The following MYLK4 variants were observed in gnomAD, a reference collection of about 807,000 sequenced individuals.
MYLK4 encodes myosin light chain kinase family member 4.
In MYLK4, 46 loss-of-function variants were observed where a neutral mutation model predicts 48.1. That is an observed-to-expected ratio of 0.96 (90% CI 0.75 to 1.22). MYLK4 has a LOEUF of 1.22. Among genes scored for constraint, MYLK4 ranks in the 50% most tolerant of loss-of-function variants. MYLK4 has a pLI of 0.00. For synonymous variants in MYLK4, 170 were observed against 180.8 expected (o/e 0.94, Z 0.48); for missense variants, 451 against 486.1 (o/e 0.93, Z 0.68).
At chr6:2,737,682 G>A (rs1472619047) in intron 2 of MYLK4, among the ~76,000 whole-genome samples, 1 of 152,096 alleles carries the variant, frequency 6.6e-6, no homozygotes, top group African/African-American at 2.4e-5. Context: ...AGGATCCCAG[G>A]CCAGTGCCTG....
intron 2 of MYLK4, among the ~76,000 whole-genome samples, chr6:2,727,567 C>A (rs1449160434): frequency 6.6e-6 from 1 of 152,178 alleles, no homozygotes; most frequent in African/African-American, 2.4e-5. Context: ...GAGGTTGCAT[C>A]TGGACAGAAG....
intron 12 of MYLK4, among the ~76,000 whole-genome samples, chr6:2,668,767 A>T (rs548089551): frequency 2.0e-5 from 3 of 152,030 alleles, no homozygotes; most frequent in East Asian, 3.9e-4. Flanking sequence ...TTATTTATTT[A>T]TTTTTTTAAG....
the MYLK4 span, chr6:2,765,791 G>T: frequency 1.7e-5 from 24 of 1,416,920 alleles, no homozygotes; most frequent in Non-Finnish European, 2.0e-5. Context: ...GTCGCACCGC[G>T]CCGGGGAGCG....
intron 12 of MYLK4, among the ~76,000 whole-genome samples, chr6:2,670,395 C>CAAACAAT (rs1760839467): frequency 1.9e-5 from 2 of 103,392 alleles, no homozygotes; most frequent in African/African-American, 7.8e-5. Flanking sequence ...AAACAAACAA[C>CAAACAAT]AGTGAGCAGC....
rs138132269 is a variant in MYLK4, at chr6:2,683,387, CTT to C, written c.546-227_546-226del. 3.4e-3 allele frequency among the ~76,000 whole-genome samples: 290 copies of C among 86,292 alleles called. 4 individuals carry two copies. Among genetic ancestry groups the C allele is most frequent in the African/African-American group, 8.9e-3 (238 of 26,716 alleles). 56.6% of individuals were successfully genotyped at this position (86,292 alleles called of 152,430 possible). On this transcript the variant is annotated intron_variant, in intron 6 of 12. Coordinates refer to ENST00000274643, the MANE Select transcript of MYLK4 (RefSeq NM_001012418.5). ...GGAAATCCTCAAGCCAACTCCCCACCTTTTTGTGTGTGTGTGTGTGTGTGTGT... is the reference window on the plus strand; with the variant it reads ...GGAAATCCTCAAGCCAACTCCCCACCTTTGTGTGTGTGTGTGTGTGTGTGT...
chr6:2,712,416 C>A (rs1413913223), intron 2 of MYLK4, among the ~76,000 whole-genome samples: 2 of 152,126 alleles, frequency 1.3e-5, no homozygotes, highest in Non-Finnish European at 1.5e-5. Flanking sequence ...CCTTTAAACT[C>A]AAGTAGAGAG....
chr6:2,701,986 A>G (rs1347275290), intron 2 of MYLK4, among the ~76,000 whole-genome samples: 1 of 152,244 alleles, frequency 6.6e-6, no homozygotes, highest in Admixed American at 6.5e-5. Flanking sequence ...CTAATCTCGT[A>G]CTTGGGTAAA....
At chr6:2,707,685 A>T (rs1762540483) in intron 2 of MYLK4, among the ~76,000 whole-genome samples, 1 of 152,210 alleles carries the variant, frequency 6.6e-6, no homozygotes, top group African/African-American at 2.4e-5. Flanking sequence ...TTTCTCCACT[A>T]AAAGTTGTGA....
chr6:2,692,827 C>T lies in MYLK4; in HGVS notation c.192G>A (p.Thr64=), dbSNP rs149418929. The change falls in exon 3 of 13, where the codon ACG becomes ACA. Residue 64 remains threonine, a synonymous_variant. Coordinates refer to ENST00000274643, the MANE Select transcript of MYLK4 (RefSeq NM_001012418.5). ...TTTTGCTTTTGACGGGCATCCTTTC[C>T]GTCAGGTCGGCGTTTGACCACACCT... is the stretch of plus-strand genomic sequence containing the variant. ...AKEVWSNADL[T]ERMPVKSKRT... 2.3e-3 allele frequency: 3,779 copies of T among 1,613,696 alleles called. 11 individuals are homozygous for T. Among genetic ancestry groups the T allele is most frequent in the Non-Finnish European group, 2.9e-3 (3,382 of 1,179,858 alleles).
At chr6:2,768,166 T>C in the MYLK4 span, among the ~76,000 whole-genome samples, 1 of 152,212 alleles carries the variant, frequency 6.6e-6, no homozygotes, top group Non-Finnish European at 1.5e-5. Context: ...CATGCAGAAG[T>C]GGCCTACAGT....
chr6:2,723,425 G>A (rs1582096962), intron 2 of MYLK4, among the ~76,000 whole-genome samples: 4 of 152,312 alleles, frequency 2.6e-5, no homozygotes, highest in African/African-American at 9.6e-5. Flanking sequence ...GCTCTAATTT[G>A]AAACAAATTT....
the MYLK4 span, chr6:2,770,157 C>T: frequency 6.2e-7 from 1 of 1,614,230 alleles, no homozygotes; most frequent in South Asian, 1.1e-5. Flanking sequence ...GGGACGATCA[C>T]TCTGATTGGG....
chr6:2,708,323 C>T (rs775215688), intron 2 of MYLK4, among the ~76,000 whole-genome samples: 2 of 152,120 alleles, frequency 1.3e-5, no homozygotes, highest in African/African-American at 2.4e-5. Flanking sequence ...CATTTTGTTA[C>T]ATTCTCCTCT....
chr6:2,700,218 C>A (rs1762235699), intron 2 of MYLK4, among the ~76,000 whole-genome samples: 1 of 152,150 alleles, frequency 6.6e-6, no homozygotes, highest in Admixed American at 6.5e-5. Context: ...CCCACCACCC[C>A]ACCTGTTTTT....
At chr6:2,702,062 G>A (rs187993018) in intron 2 of MYLK4, among the ~76,000 whole-genome samples, 217 of 152,320 alleles carry the variant, frequency 1.4e-3, no homozygotes, top group Middle Eastern at 0.014. Context: ...GCCGCATGCC[G>A]CTGGCCTTGC....
the MYLK4 span, among the ~76,000 whole-genome samples, chr6:2,756,646 G>A: frequency 0.66 from 99,690 of 152,062 alleles, 33,148 homozygotes; most frequent in Non-Finnish European, 0.71. Flanking sequence ...GATTATTTCC[G>A]CCCTTTCCCT....
chr6:2,744,320 A>G (rs17135661), intron 2 of MYLK4, among the ~76,000 whole-genome samples: 40,173 of 152,122 alleles, frequency 0.26, 5,386 homozygotes, highest in Middle Eastern at 0.29. Context: ...GACGCTGTGA[A>G]TGCGTATTTG....
At position 2,667,885 on chromosome 6, in the gene MYLK4, A is replaced by G. The variant is rs1235646237; in HGVS notation, c.*40T>C. 5.2e-5 allele frequency: 8 copies of G among 152,788 alleles called. No homozygotes were observed. The South Asian group carries it at 1.4e-3, about 28-fold the overall frequency. The allele number at this position is 152,788 out of a possible 1,614,324, so 9.5% of individuals were successfully genotyped here. The stretch of plus-strand genomic sequence containing the variant: ...AAAAAATTTTCTCGAAGCAGCAGCA[A>G]CCACAGCAGTTTTCCTGCAAAGCAA... On this transcript the variant is annotated 3_prime_UTR_variant, in exon 13 of 13. Coordinates refer to ENST00000274643, the MANE Select transcript of MYLK4 (RefSeq NM_001012418.5).
In MYLK4 at chr6:2,685,622, T is replaced by C. The variant is rs1445819645; in HGVS notation, c.342-46A>G. Reference sequence around the variant, plus strand: ...CGTAGCATGAGGCCCTGTGGTCAGCTGCCGAGTGGACAGCGCACAGTGGCC... The same window carrying C: ...CGTAGCATGAGGCCCTGTGGTCAGCCGCCGAGTGGACAGCGCACAGTGGCC... On this transcript the variant is annotated intron_variant, in intron 4 of 12. Coordinates refer to ENST00000274643, the MANE Select transcript of MYLK4 (RefSeq NM_001012418.5). This position sits in a 1 kb window ranked among gnomAD's most constrained non-coding sequence, Gnocchi z 4.5. 1.3e-6 allele frequency: 2 copies of C among 1,576,874 alleles called. No homozygotes were observed. Among genetic ancestry groups the C allele is most frequent in the South Asian group, 1.1e-5 (1 of 90,046 alleles).
Sources: allele counts gnomAD v4.1 joint callset (sites outside exome capture counted in the v4.1 genomes callset), GRCh38; gene constraint gnomAD v4.1.1; non-coding constraint Gnocchi (gnomAD v3.1); transcripts MANE v1.5; gene names NCBI Gene and HGNC (gene_info 2026-07-23, HGNC 2026-07-21).